Variants in RNF216 observed in about 807,000 individuals in gnomAD.
The protein encoded by RNF216 is E3 ubiquitin-protein ligase RNF216.
RNF216 carries 72 observed loss-of-function variants against 110.8 expected under a neutral mutation model. That is an observed-to-expected ratio of 0.65 (90% CI 0.54 to 0.79). The LOEUF is 0.79. Ranked by LOEUF, RNF216 falls within the 30% of genes least tolerant of loss-of-function variation. The pLI is 0.00. For missense variants in RNF216, 1,342 were observed against 1,141.2 expected, an observed-to-expected ratio of 1.18 and a Z score of -2.54; for synonymous variants, 495 against 407.5, an observed-to-expected ratio of 1.21 and a Z score of -2.59.
At chr7:5,772,615 T>C (rs536214207) in intron 1 of RNF216, among the ~76,000 whole-genome samples, 1 of 152,284 alleles carries the variant, frequency 6.6e-6, no homozygotes, top group Non-Finnish European at 1.5e-5. Context: ...GGGCTTCTCA[T>C]TAAATGTCTA....
At chr7:5,693,102 G>A in intron 13 of RNF216, among the ~76,000 whole-genome samples, 1 of 152,120 alleles carries the variant, frequency 6.6e-6, no homozygotes, top group East Asian at 1.9e-4. Context: ...TCTTTTAAAC[G>A]CTATGGTATA....
chr7:5,704,046 ATTCT>A (rs1480431946), intron 13 of RNF216, among the ~76,000 whole-genome samples: 1 of 152,204 alleles, frequency 6.6e-6, no homozygotes, highest in East Asian at 1.9e-4. Flanking sequence ...AAACTAATGA[ATTCT>A]TTATCTGAGA....
At chr7:5,770,743 A>C (rs1465155572) in intron 1 of RNF216, among the ~76,000 whole-genome samples, 2 of 152,274 alleles carry the variant, frequency 1.3e-5, no homozygotes, top group East Asian at 1.9e-4. Context: ...ACACTAATTA[A>C]GACAATATTG....
chr7:5,742,721 G>A (rs1048673305), intron 3 of RNF216, among the ~76,000 whole-genome samples: 9 of 147,644 alleles, frequency 6.1e-5, no homozygotes, highest in Non-Finnish European at 1.3e-4. Context: ...ACAGCCTCCC[G>A]AGTAGCTGGG....
chr7:5,751,761 G>C (rs1395375625), intron 3 of RNF216, among the ~76,000 whole-genome samples: 30 of 125,868 alleles, frequency 2.4e-4, no homozygotes. Flanking sequence ...AACACCTACT[G>C]AATTTTATGG....
chr7:5,656,715 C>T (rs1360349278), intron 13 of RNF216, among the ~76,000 whole-genome samples: 2 of 152,192 alleles, frequency 1.3e-5, no homozygotes, highest in Non-Finnish European at 2.9e-5. Context: ...GAGGTCTTCA[C>T]TTTGCAATAT....
At chr7:5,673,283 C>T (rs1003794263) in intron 13 of RNF216, among the ~76,000 whole-genome samples, 9 of 152,220 alleles carry the variant, frequency 5.9e-5, no homozygotes, top group African/African-American at 9.6e-5. Flanking sequence ...ACCCTGCCTG[C>T]TTACGGTAAT....
intron 9 of RNF216, among the ~76,000 whole-genome samples, chr7:5,720,310 A>C (rs1793337868): frequency 6.6e-6 from 1 of 152,082 alleles, no homozygotes; most frequent in South Asian, 2.1e-4. Flanking sequence ...GAAGATAAAG[A>C]CCTTCTCATG....
chr7:5,766,987 T>C (rs1260955012), intron 1 of RNF216: 3 of 152,216 alleles, frequency 2.0e-5, no homozygotes, highest in Admixed American at 6.5e-5. Context: ...TGCTACTATG[T>C]ATGAACCATT....
At chr7:5,646,973 A>G (rs1195834512) in intron 14 of RNF216, among the ~76,000 whole-genome samples, 1 of 152,190 alleles carries the variant, frequency 6.6e-6, no homozygotes, top group African/African-American at 2.4e-5. Context: ...GTTGAGCCCT[A>G]GACATGTACG....
intron 5 of RNF216, among the ~76,000 whole-genome samples, chr7:5,731,860 T>C (rs999274584): frequency 1.9e-4 from 28 of 145,134 alleles, no homozygotes; most frequent in Non-Finnish European, 3.5e-4. Flanking sequence ...AGTGCTCAGC[T>C]CTGCTCCTTT....
At chr7:5,647,385 G>A (rs746276970) in intron 14 of RNF216, among the ~76,000 whole-genome samples, 25 of 135,496 alleles carry the variant, frequency 1.8e-4, no homozygotes, top group Non-Finnish European at 3.2e-4. Context: ...TCAGGCTGGA[G>A]TACACTTGTA....
chr7:5,735,827 G>T (rs535368185), intron 5 of RNF216, among the ~76,000 whole-genome samples: 1 of 152,196 alleles, frequency 6.6e-6, no homozygotes, highest in Non-Finnish European at 1.5e-5. Context: ...AGGTGCAGTG[G>T]GTCACACCTG....
intron 7 of RNF216, among the ~76,000 whole-genome samples, chr7:5,725,977 G>C (rs1250403786): frequency 1.3e-5 from 2 of 152,174 alleles, no homozygotes; most frequent in African/African-American, 4.8e-5. Context: ...AGAGTAACTA[G>C]GGAAAAGAAA....
At chr7:5,772,290 A>T (rs569247941) in intron 1 of RNF216, among the ~76,000 whole-genome samples, 35 of 152,324 alleles carry the variant, frequency 2.3e-4, no homozygotes, top group African/African-American at 7.7e-4. Context: ...AGACAGTAGT[A>T]GTAACAGCAG....
chr7:5,671,339 T>C (rs1789894181), intron 13 of RNF216, among the ~76,000 whole-genome samples: 1 of 152,212 alleles, frequency 6.6e-6, no homozygotes, highest in Non-Finnish European at 1.5e-5. Flanking sequence ...AGACACATCA[T>C]TTATCTGTGG....
intron 10 of RNF216, among the ~76,000 whole-genome samples, chr7:5,715,914 TG>T: frequency 6.6e-6 from 1 of 152,216 alleles, no homozygotes; most frequent in African/African-American, 2.4e-5. Flanking sequence ...GCTAATTTTT[TG>T]TATTTTTAGT....
intron 5 of RNF216, among the ~76,000 whole-genome samples, chr7:5,737,540 T>C (rs1562446033): frequency 1.4e-5 from 2 of 145,506 alleles, no homozygotes; most frequent in African/African-American, 2.8e-5. Flanking sequence ...ATAATAATAA[T>C]AATAATAAAT....
intron 3 of RNF216, 78 bp from the exon 4 acceptor site, chr7:5,741,893 G>C: frequency 6.9e-7 from 1 of 1,458,804 alleles, no homozygotes; most frequent in South Asian, 1.4e-5. Flanking sequence ...TTGAGCTTCC[G>C]AGATAGGACA....
Sources: gnomAD v4.1 joint callset for allele counts (sites outside exome capture counted in the v4.1 genomes callset) on GRCh38, gnomAD v4.1.1 for gene constraint, MANE v1.5 for transcripts, NCBI Gene and HGNC (gene_info 2026-07-23, HGNC 2026-07-21) for gene names.